Variants in SNTG1 observed in about 807,000 individuals in gnomAD.
SNTG1 encodes syntrophin gamma 1.
In SNTG1, 39 loss-of-function variants were observed where a neutral mutation model predicts 74.7. That is an observed-to-expected ratio of 0.52 (90% CI 0.40 to 0.68). SNTG1 has a LOEUF of 0.68. SNTG1 is among the 30% of genes least tolerant of loss of function. The pLI is 0.00. For missense variants in SNTG1, 685 were observed against 609.5 expected (o/e 1.12, Z -1.30); for synonymous variants, 254 against 217.1 (o/e 1.17, Z -1.49).
At chr8:49,991,702 T>C (rs981080523) in intron 1 of SNTG1, among the ~76,000 whole-genome samples, 8 of 152,176 alleles carry the variant, frequency 5.3e-5, no homozygotes, top group Admixed American at 2.6e-4. Context: ...ATAATCCAGT[T>C]ACAAAAGAGC....
chr8:50,662,485 T>C (rs1049485335), intron 15 of SNTG1, among the ~76,000 whole-genome samples: 1 of 152,186 alleles, frequency 6.6e-6, no homozygotes, highest in Non-Finnish European at 1.5e-5. Flanking sequence ...GTTATTCCCA[T>C]TTTAGAGATT....
intron 1 of SNTG1, among the ~76,000 whole-genome samples, chr8:49,992,415 A>G (rs1813778284): frequency 6.6e-6 from 1 of 152,192 alleles, no homozygotes; most frequent in African/African-American, 2.4e-5. Flanking sequence ...GATTTGATAT[A>G]TTTCTTAAAT....
At chr8:50,364,171 A>T (rs1182189420) in intron 2 of SNTG1, among the ~76,000 whole-genome samples, 2 of 152,116 alleles carry the variant, frequency 1.3e-5, no homozygotes, top group Non-Finnish European at 2.9e-5. Context: ...AGGTTGGGGA[A>T]TTGGGGTTGA....
chr8:50,577,657 CTG>C (rs1038150501), intron 12 of SNTG1, among the ~76,000 whole-genome samples: 27 of 152,064 alleles, frequency 1.8e-4, no homozygotes, highest in Middle Eastern at 3.4e-3. Context: ...ATATGGAACA[CTG>C]TGTTATATGT....
chr8:49,913,549 A>G (rs2129334873), intron 1 of SNTG1, among the ~76,000 whole-genome samples: 1 of 152,312 alleles, frequency 6.6e-6, no homozygotes, highest in Non-Finnish European at 1.5e-5. Flanking sequence ...TGCTTAGCAG[A>G]AAAGGAGCAG....
At chr8:50,422,706 G>A (rs763816504) in intron 4 of SNTG1, among the ~76,000 whole-genome samples, 1 of 152,108 alleles carries the variant, frequency 6.6e-6, no homozygotes, top group Non-Finnish European at 1.5e-5. Flanking sequence ...GCCAGATGGA[G>A]CCAGGTGTTA....
At chr8:50,470,582 G>A (rs2093644537) in intron 8 of SNTG1, among the ~76,000 whole-genome samples, 1 of 152,158 alleles carries the variant, frequency 6.6e-6, no homozygotes, top group Non-Finnish European at 1.5e-5. Context: ...TGGGTTTGTG[G>A]TCTTGCTGGC....
chr8:50,297,088 G>T (rs1203719179), intron 2 of SNTG1, among the ~76,000 whole-genome samples: 1 of 152,084 alleles, frequency 6.6e-6, no homozygotes, highest in Admixed American at 6.6e-5. Context: ...TAATTTCATG[G>T]ACGTAAATAT....
At chr8:50,389,994 G>A (rs949477092) in intron 2 of SNTG1, among the ~76,000 whole-genome samples, 1 of 152,168 alleles carries the variant, frequency 6.6e-6, no homozygotes, top group African/African-American at 2.4e-5. Flanking sequence ...CCCTTTGTCA[G>A]ATGAGTAGAT....
chr8:49,945,302 C>T (rs996992417), intron 1 of SNTG1, among the ~76,000 whole-genome samples: 3 of 152,128 alleles, frequency 2.0e-5, no homozygotes, highest in Admixed American at 6.5e-5. Flanking sequence ...GATTGCCCTC[C>T]TTGCAATGTG....
At chr8:50,171,191 A>T (rs1045405184) in intron 1 of SNTG1, among the ~76,000 whole-genome samples, 1 of 152,110 alleles carries the variant, frequency 6.6e-6, no homozygotes, top group East Asian at 1.9e-4. Context: ...GGTTCTCTAG[A>T]GGGACAGGAC....
intron 1 of SNTG1, among the ~76,000 whole-genome samples, chr8:50,107,646 G>C (rs2080427003): frequency 6.6e-6 from 1 of 151,898 alleles, no homozygotes; most frequent in African/African-American, 2.4e-5. Flanking sequence ...TGCTTCCTAG[G>C]TTCAAGCAAT....
intron 1 of SNTG1, among the ~76,000 whole-genome samples, chr8:50,020,303 G>A (rs759447353): frequency 6.6e-6 from 1 of 151,952 alleles, no homozygotes; most frequent in Non-Finnish European, 1.5e-5. Flanking sequence ...TACTTTCTTG[G>A]GATTGGTTTT....
In SNTG1 at chr8:50,297,503, C is replaced by T. The variant is rs543059405; in HGVS notation, c.-27-96709C>T. On this transcript the variant is annotated intron_variant, in intron 2 of 18. Coordinates refer to ENST00000642720, the MANE Select transcript of SNTG1 (RefSeq NM_018967.5). ...ATGGGTTGTCTTTGGCATATCTGGC[C>T]TCTCTACTTTTGCACTTTGGGGCAT... is the stretch of plus-strand genomic sequence containing the variant. Among the ~76,000 whole-genome samples the T allele has an allele frequency of 2.6e-5, 4 of 152,158 alleles. No individual in the cohort carries two copies. The East Asian group carries it at 7.7e-4, about 29-fold the overall frequency.
At chr8:50,265,974 T>C (rs1027699767) in intron 2 of SNTG1, among the ~76,000 whole-genome samples, 3 of 151,074 alleles carry the variant, frequency 2.0e-5, no homozygotes, top group African/African-American at 7.3e-5. Flanking sequence ...ACCATATTCA[T>C]AGATAGTAAG....
rs1383465124 is a variant in SNTG1 at position 50,402,297 on chromosome 8, C to A, written c.115C>A (p.Gln39Lys). 1 of 1,613,546 alleles carries A rather than the reference C, an allele frequency of 6.2e-7. No homozygotes were observed. The highest frequency in any genetic ancestry group is 8.5e-7 in the Non-Finnish European group (1 of 1,179,898). ...CCTAGCCAAAGACATTTTGATGATC[C>A]AGGAACAGGATGTGATATGTGTGTC... ...LHLAKDILMI[Q>K]EQDVICVSGE... The change falls in exon 4 of 19, where the codon CAG (glutamine) becomes AAG (lysine). Residue 39 changes from glutamine (Q) to lysine (K), a missense_variant. Gln to Lys is a moderately conservative substitution (Grantham distance 53, BLOSUM62 1). Transcript: ENST00000642720.
At chr8:50,316,493 T>C (rs1563886949) in intron 2 of SNTG1, among the ~76,000 whole-genome samples, 1 of 152,226 alleles carries the variant, frequency 6.6e-6, no homozygotes, top group Non-Finnish European at 1.5e-5. Context: ...ACATTCTTTA[T>C]GTGGCTTTTT....
At chr8:50,171,621 G>T (rs916265530) in intron 1 of SNTG1, among the ~76,000 whole-genome samples, 2 of 152,168 alleles carry the variant, frequency 1.3e-5, no homozygotes, top group African/African-American at 2.4e-5. Flanking sequence ...CAATTAAGTT[G>T]ACACTGAGTG....
chr8:50,306,049 C>T (rs2089882379), intron 2 of SNTG1, among the ~76,000 whole-genome samples: 1 of 149,804 alleles, frequency 6.7e-6, no homozygotes, highest in African/African-American at 2.5e-5. Context: ...ACCCCCCTCC[C>T]ACCCTCCCCC....
Sources: gnomAD v4.1 joint callset for allele counts (sites outside exome capture counted in the v4.1 genomes callset) on GRCh38, gnomAD v4.1.1 for gene constraint, MANE v1.5 for transcripts, NCBI Gene and HGNC (gene_info 2026-07-23, HGNC 2026-07-21) for gene names.